Variants in STYX observed in about 807,000 individuals in gnomAD.
The protein encoded by STYX is serine/threonine/tyrosine interacting protein, also known as serine/threonine/tyrosine-interacting protein.
In STYX, 20 loss-of-function variants were observed where a neutral mutation model predicts 42.7. The observed-to-expected ratio is 0.47, with a 90% confidence interval of 0.33 to 0.68. STYX has a LOEUF of 0.68. Ranked by LOEUF, STYX falls within the 30% of genes least tolerant of loss-of-function variation. The pLI, the probability that STYX is intolerant of heterozygous loss-of-function variation, is 0.02. For synonymous variants in STYX, 78 were observed against 81.9 expected (o/e 0.95, Z 0.26); for missense variants, 226 against 268.5 (o/e 0.84, Z 1.11).
At chr14:52,745,198 G>A (rs892790797) in intron 2 of STYX, among the ~76,000 whole-genome samples, 1 of 149,082 alleles carries the variant, frequency 6.7e-6, no homozygotes, top group African/African-American at 2.5e-5. Context: ...TCGGCTCACC[G>A]CAACGTCCAC....
chr14:52,747,225 A>G (rs1881428707), intron 3 of STYX, among the ~76,000 whole-genome samples: 1 of 152,202 alleles, frequency 6.6e-6, no homozygotes, highest in Non-Finnish European at 1.5e-5. Context: ...AAATATAGCA[A>G]TGTTCTTGCC....
At chr14:52,763,021 T>C (rs1402570100) in intron 9 of STYX, among the ~76,000 whole-genome samples, 1 of 149,988 alleles carries the variant, frequency 6.7e-6, no homozygotes, top group Non-Finnish European at 1.5e-5. Context: ...GCCTCCAGAA[T>C]AGCTGGGATT....
chr14:52,766,410 C>A (rs1272381864), intron 9 of STYX, among the ~76,000 whole-genome samples: 1 of 152,140 alleles, frequency 6.6e-6, no homozygotes, highest in East Asian at 1.9e-4. Flanking sequence ...CTCAGGTGAT[C>A]TGCCTGCCTC....
rs529730082 is a variant in STYX, at chr14:52,732,266, C to CTTT, written c.57+1751_57+1753dup. Reference sequence around the variant, plus strand: ...TACAGGCGCGCACCGCCAGGCCCAGCTTTTTTTTTTTTTTTTTTGAGACAG... The same window carrying CTTT: ...TACAGGCGCGCACCGCCAGGCCCAGCTTTTTTTTTTTTTTTTTTTTTGAGACAG... On this transcript the variant is annotated intron_variant, in intron 1 of 10. Transcript: ENST00000354586. Among the ~76,000 whole-genome samples the CTTT allele has an allele frequency of 5.5e-4, 62 of 112,274 alleles. 2 individuals are homozygous for CTTT. Among genetic ancestry groups the CTTT allele is most frequent in the African/African-American group, 1.6e-3 (46 of 27,894 alleles). 73.7% of individuals were successfully genotyped at this position (112,274 alleles called of 152,430 possible).
At chr14:52,751,376 A>G (rs141656877) in intron 4 of STYX, among the ~76,000 whole-genome samples, 2 of 152,290 alleles carry the variant, frequency 1.3e-5, no homozygotes, top group African/African-American at 4.8e-5. Context: ...TAATATGTAT[A>G]GCATATAGTG....
chr14:52,730,560 A>G, intron 1 of STYX, 29 bp downstream of exon 1: 1 of 1,610,298 alleles, frequency 6.2e-7, no homozygotes, highest in Admixed American at 1.7e-5. Context: ...TGCCACGCAC[A>G]GGCCTCTCCC....
At chr14:52,767,477 TTTTTGTTTTG>T (rs760426359) in intron 9 of STYX, among the ~76,000 whole-genome samples, 16 of 152,312 alleles carry the variant, frequency 1.1e-4, no homozygotes, top group South Asian at 4.1e-4. Context: ...TGCTTTTCTG[TTTTTGTTTTG>T]TTTTGTTTTG....
chr14:52,770,949 C>G, intron 10 of STYX, 84 bp from the exon 11 acceptor site: 1 of 1,293,390 alleles, frequency 7.7e-7, no homozygotes, highest in Non-Finnish European at 1.1e-6. Flanking sequence ...TACATGATCA[C>G]TTAATAACAA....
chr14:52,753,196 C>T (rs1364163509), intron 4 of STYX, among the ~76,000 whole-genome samples: 1 of 151,612 alleles, frequency 6.6e-6, no homozygotes, highest in African/African-American at 2.4e-5. Context: ...ATTACAGGTG[C>T]CCACCACCAC....
At chr14:52,746,322 A>G (rs1319002606) in intron 2 of STYX, 104 bp from the exon 3 acceptor site, 1 of 760,970 alleles carries the variant, frequency 1.3e-6, no homozygotes, top group African/African-American at 1.9e-5. Flanking sequence ...ATCTTGTTGT[A>G]TCTTGTGCTG....
At chr14:52,760,492 C>T (rs1247218987) in intron 9 of STYX, among the ~76,000 whole-genome samples, 2 of 152,166 alleles carry the variant, frequency 1.3e-5, no homozygotes, top group Non-Finnish European at 2.9e-5. Context: ...AATTAGACCA[C>T]GTTGCTCAGT....
At position 52,771,127 on chromosome 14, in the gene STYX, AGT is replaced by A; in HGVS notation, c.*25_*26del. On this transcript the variant is annotated 3_prime_UTR_variant, in exon 11 of 11. Transcript: ENST00000354586. ...GCTGACTTGAAGAGCAACATCATAGAGTGTGAATTTCTATTTGGGAAGGAGAA... is the reference window on the plus strand; with the variant it reads ...GCTGACTTGAAGAGCAACATCATAGAGTGAATTTCTATTTGGGAAGGAGAA... 2 of 1,578,184 alleles carry A rather than the reference AGT, an allele frequency of 1.3e-6. No individual in the cohort carries two copies. The highest frequency in any genetic ancestry group is 1.7e-6 in the Non-Finnish European group (2 of 1,160,028).
rs568755679 is a variant in STYX, at chr14:52,771,199, G to GT, written c.*102dup. On this transcript the variant is annotated 3_prime_UTR_variant, in exon 11 of 11. Coordinates refer to ENST00000354586, the MANE Select transcript of STYX (RefSeq NM_145251.4). ...ATGTAAAATGGTAAAAACATAAGTA[G>GT]TTTTTTTTTCAATTACATGTTGCTT... 4,087 of 1,183,804 alleles carry GT rather than the reference G, an allele frequency of 3.5e-3. 1 individual carries two copies. The highest frequency in any genetic ancestry group is 3.9e-3 in the Non-Finnish European group (3,332 of 847,584). The allele number at this position is 1,183,804 out of a possible 1,614,324, so 73.3% of individuals were successfully genotyped here. A position where few individuals can be genotyped will look rare whatever the true frequency, so the allele number is the denominator to read the frequency against.
chr14:52,771,242 C>A lies in STYX; in HGVS notation c.*136C>A. On this transcript the variant is annotated 3_prime_UTR_variant, in exon 11 of 11. Transcript: ENST00000354586. ...TGTTGCTTCCAGACATACTTCTCTG[C>A]AACTTGTTGAGCAACATTTTAAGAT... 1.5e-6 allele frequency: 1 copy of A among 683,044 alleles called. No homozygotes were observed. The highest frequency in any genetic ancestry group is 2.4e-6 in the Non-Finnish European group (1 of 425,182). The allele number at this position is 683,044 out of a possible 1,614,324, so 42.3% of individuals were successfully genotyped here. A position where few individuals can be genotyped will look rare whatever the true frequency, so the allele number is the denominator to read the frequency against.
intron 9 of STYX, among the ~76,000 whole-genome samples, chr14:52,763,901 G>T (rs1290510114): frequency 1.3e-5 from 2 of 151,760 alleles, no homozygotes; most frequent in East Asian, 3.9e-4. Flanking sequence ...CCCTTTTTTG[G>T]TTCTGCAAGT....
chr14:52,740,507 A>T (rs1179922335), intron 1 of STYX, among the ~76,000 whole-genome samples: 1 of 152,252 alleles, frequency 6.6e-6, no homozygotes, highest in South Asian at 2.1e-4. Context: ...GACTCTCTGG[A>T]TCCAAAATCA....
intron 1 of STYX, among the ~76,000 whole-genome samples, chr14:52,736,361 C>T (rs1010700679): frequency 2.0e-5 from 3 of 152,150 alleles, no homozygotes; most frequent in Non-Finnish European, 4.4e-5. Flanking sequence ...AATTTTTGGT[C>T]ATTGTCTATT....
chr14:52,753,803 G>A (rs927204046), intron 4 of STYX, among the ~76,000 whole-genome samples: 2 of 149,634 alleles, frequency 1.3e-5, no homozygotes, highest in African/African-American at 4.9e-5. Context: ...GATATGGAGG[G>A]CTGACTCTTT....
chr14:52,740,713 T>C (rs774355028), intron 1 of STYX, among the ~76,000 whole-genome samples: 7 of 152,270 alleles, frequency 4.6e-5, no homozygotes, highest in Non-Finnish European at 1.0e-4. Context: ...AGTGTCCATC[T>C]GATTGTCCTT....
Sources: gnomAD v4.1 joint callset for allele counts (sites outside exome capture counted in the v4.1 genomes callset) on GRCh38, gnomAD v4.1.1 for gene constraint, MANE v1.5 for transcripts, NCBI Gene and HGNC (gene_info 2026-07-23, HGNC 2026-07-21) for gene names.